Variants in ATP8B4 observed in about 807,000 individuals in gnomAD.
ATP8B4 encodes ATPase phospholipid transporting 8B4 (putative), also known as probable phospholipid-transporting ATPase IM.
A neutral mutation model predicts 145.6 loss-of-function variants in ATP8B4; 133 were observed. The ratio of observed to expected loss-of-function variants is 0.91; its 90% CI spans 0.79 to 1.05. The LOEUF is 1.05. Among genes scored for constraint, ATP8B4 ranks in the 50% least tolerant of loss-of-function variants. The pLI is 0.00. For missense variants in ATP8B4, 1,458 were observed against 1,425.2 expected, an observed-to-expected ratio of 1.02 and a Z score of -0.37; for synonymous variants, 507 against 492.9, an observed-to-expected ratio of 1.03 and a Z score of -0.38.
In ATP8B4 at chr15:50,093,903, T is replaced by C. The variant is rs114020827; in HGVS notation, c.28+13036A>G. On this transcript the variant is annotated intron_variant, in intron 2 of 27. Coordinates refer to ENST00000284509, the MANE Select transcript of ATP8B4 (RefSeq NM_024837.4). ...CACTGCTAGAGATAGAGTCATCCCA[T>C]AGTAACAAAAGATTGATCTTCCAGG... Among the ~76,000 whole-genome samples, 1,296 of 152,254 alleles carry C rather than the reference T, an allele frequency of 8.5e-3. 17 individuals carry two copies. Among genetic ancestry groups the C allele is most frequent in the African/African-American group, 0.03 (1,240 of 41,550 alleles).
intron 7 of ATP8B4, 54 bp downstream of exon 7, chr15:50,010,791 T>TGG: frequency 8.3e-7 from 1 of 1,201,902 alleles, no homozygotes; most frequent in African/African-American, 1.6e-5. Context: ...AATACTTCCA[T>TGG]ATATATGCTA....
chr15:50,010,349 C>T (rs889906518), intron 7 of ATP8B4, among the ~76,000 whole-genome samples: 1 of 151,934 alleles, frequency 6.6e-6, no homozygotes, highest in Non-Finnish European at 1.5e-5. Context: ...AAAGTAAACT[C>T]TCATTAATAA....
chr15:50,144,483 G>A (rs968833981), intron 1 of ATP8B4, among the ~76,000 whole-genome samples: 8 of 152,128 alleles, frequency 5.3e-5, no homozygotes, highest in Non-Finnish European at 1.0e-4. Context: ...CACATCTTAC[G>A]TGGCAGCAGG....
At chr15:49,890,881 G>A (rs1035852098) in intron 23 of ATP8B4, among the ~76,000 whole-genome samples, 1 of 152,174 alleles carries the variant, frequency 6.6e-6, no homozygotes, top group African/African-American at 2.4e-5. Flanking sequence ...GGGTGTGGCT[G>A]GGGAACACCA....
At chr15:50,087,355 T>TATTG (rs1555485691) in intron 2 of ATP8B4, among the ~76,000 whole-genome samples, 1 of 52,334 alleles carries the variant, frequency 1.9e-5, no homozygotes, top group Non-Finnish European at 3.1e-5. Context: ...GATCTATATA[T>TATTG]TATATATAAT....
rs1333613351 is a variant in ATP8B4 at position 49,859,428 on chromosome 15, A to C, written c.*766T>G. The C allele has an allele frequency of 1.0e-3, 152 of 152,326 alleles. No individual in the cohort carries two copies. The highest frequency in any genetic ancestry group is 3.4e-3 in the Middle Eastern group (1 of 294). The allele number at this position is 152,326 out of a possible 1,614,324, so 9.4% of individuals were successfully genotyped here. A position where few individuals can be genotyped will look rare whatever the true frequency, so the allele number is the denominator to read the frequency against. Reference sequence around the variant, plus strand: ...GCAAATTACTACTGAGGTTGTTAGAAAAGCCATTGAAAAGTATTTAGAATA... The same window carrying C: ...GCAAATTACTACTGAGGTTGTTAGACAAGCCATTGAAAAGTATTTAGAATA... On this transcript the variant is annotated 3_prime_UTR_variant, in exon 28 of 28. Transcript: ENST00000284509.
At chr15:50,099,781 G>A (rs2056229770) in intron 2 of ATP8B4, among the ~76,000 whole-genome samples, 1 of 152,168 alleles carries the variant, frequency 6.6e-6, no homozygotes, top group Non-Finnish European at 1.5e-5. Flanking sequence ...GCTCACGCCT[G>A]TAATCCCAGC....
chr15:49,966,642 C>T (rs2044568952), intron 13 of ATP8B4, among the ~76,000 whole-genome samples: 1 of 152,174 alleles, frequency 6.6e-6, no homozygotes, highest in South Asian at 2.1e-4. Flanking sequence ...ATAAAACTCC[C>T]ATCTCCCTGG....
chr15:49,878,191 C>T (rs577460458), intron 24 of ATP8B4, among the ~76,000 whole-genome samples: 2 of 152,230 alleles, frequency 1.3e-5, no homozygotes, highest in East Asian at 3.9e-4. Context: ...TATTTTATTC[C>T]ACATTCTGGG....
rs2040434010 is a variant in ATP8B4 at position 49,923,415 on chromosome 15, A to G, written c.1722T>C (p.Asn574=). 6.2e-7 allele frequency: 1 copy of G among 1,613,400 alleles called. No individual in the cohort carries two copies. Among genetic ancestry groups the G allele is most frequent in the Non-Finnish European group, 8.5e-7 (1 of 1,179,496 alleles). The change falls in exon 17 of 28, where the codon AAT becomes AAC. Residue 574 remains asparagine (N), a synonymous_variant. Transcript: ENST00000284509. The part of the protein sequence containing the change: ...TILFEKLHPS[N]EVLLSLTSDH... Reference sequence around the variant, plus strand: ...CTGACGTCAAAGACAAAAGGACTTCATTGGAAGGATGAAGTTTTTCAAACA... The same window carrying G: ...CTGACGTCAAAGACAAAAGGACTTCGTTGGAAGGATGAAGTTTTTCAAACA...
chr15:49,882,059 ACTGCTGGGAGG>A (rs1319577548), intron 23 of ATP8B4, among the ~76,000 whole-genome samples: 1 of 152,154 alleles, frequency 6.6e-6, no homozygotes, highest in African/African-American at 2.4e-5. Context: ...CTGTGACCTC[ACTGCTGGGAGG>A]CTGCCTTTGG....
At chr15:50,122,281 C>G (rs1008983696), upstream of ATP8B4, among the ~76,000 whole-genome samples, 3 of 152,108 alleles carry the variant, frequency 2.0e-5, no homozygotes, top group African/African-American at 7.2e-5. Context: ...CTGCTAGACA[C>G]TTTGTGGGAC....
chr15:49,942,284 A>G lies in ATP8B4; in HGVS notation c.1288-8102T>C, dbSNP rs116546655. The stretch of plus-strand genomic sequence containing the variant: ...AAGTAATGTACAGAAAAAAATAATA[A>G]AAGATGAAGTACATTCACTAGTAAT... On this transcript the variant is annotated intron_variant, in intron 14 of 27. Coordinates refer to ENST00000284509, the MANE Select transcript of ATP8B4 (RefSeq NM_024837.4). Among the ~76,000 whole-genome samples, 1,322 of 152,208 alleles carry G rather than the reference A, an allele frequency of 8.7e-3. 24 individuals are homozygous for G. Among genetic ancestry groups the G allele is most frequent in the African/African-American group, 0.03 (1,264 of 41,548 alleles).
intron 2 of ATP8B4, among the ~76,000 whole-genome samples, chr15:50,078,189 T>TG (rs2054307002): frequency 6.6e-6 from 1 of 151,798 alleles, no homozygotes; most frequent in African/African-American, 2.4e-5. Flanking sequence ...CTTTTTTTTT[T>TG]TGACATTGTG....
chr15:50,021,441 C>T (rs1289671822), intron 6 of ATP8B4, among the ~76,000 whole-genome samples: 1 of 152,160 alleles, frequency 6.6e-6, no homozygotes, highest in Non-Finnish European at 1.5e-5. Context: ...AGCCCTTCAG[C>T]ACTCCCCTTT....
intron 1 of ATP8B4, among the ~76,000 whole-genome samples, chr15:50,162,554 T>G (rs1419541061): frequency 3.9e-5 from 6 of 152,150 alleles, no homozygotes; most frequent in African/African-American, 1.4e-4. Flanking sequence ...TCGCCCAGGC[T>G]GGAGTGCAGT....
At chr15:49,980,889 G>A (rs576578714) in intron 11 of ATP8B4, among the ~76,000 whole-genome samples, 23 of 152,294 alleles carry the variant, frequency 1.5e-4, no homozygotes, top group African/African-American at 5.5e-4. Flanking sequence ...CTGAAAAAAA[G>A]TAAGAAAACA....
chr15:50,055,541 A>C (rs1378438490), intron 3 of ATP8B4, among the ~76,000 whole-genome samples: 2 of 152,156 alleles, frequency 1.3e-5, no homozygotes, highest in Non-Finnish European at 2.9e-5. Context: ...CAGTTTCCTC[A>C]CTATCAAATC....
intron 1 of ATP8B4, among the ~76,000 whole-genome samples, chr15:50,125,031 T>C (rs2057298228): frequency 1.3e-5 from 2 of 152,228 alleles, no homozygotes; most frequent in African/African-American, 4.8e-5. Flanking sequence ...AATGTATCTC[T>C]TGCTATCAGG....
Sources: gnomAD v4.1 joint callset for allele counts (sites outside exome capture counted in the v4.1 genomes callset) on GRCh38, gnomAD v4.1.1 for gene constraint, MANE v1.5 for transcripts, NCBI Gene and HGNC (gene_info 2026-07-23, HGNC 2026-07-21) for gene names.